The following ADHFE1 variants were observed in gnomAD, a reference collection of about 807,000 sequenced individuals.
ADHFE1 encodes hydroxyacid-oxoacid transhydrogenase, mitochondrial.
A neutral mutation model predicts 54.8 loss-of-function variants in ADHFE1; 37 were observed. The ratio of observed to expected loss-of-function variants is 0.68; its 90% confidence interval spans 0.52 to 0.89. The LOEUF (loss-of-function observed/expected upper bound fraction) is 0.89. Among genes scored for constraint, ADHFE1 ranks in the 40% least tolerant of loss-of-function variants. ADHFE1 has a pLI of 0.00. For synonymous variants in ADHFE1, 203 were observed against 229.3 expected, an observed-to-expected ratio of 0.89 and a Z score of 1.04; for missense variants, 601 against 591.2, an observed-to-expected ratio of 1.02 and a Z score of -0.17.
chr8:66,462,321 C>T (rs1013651436), intron 13 of ADHFE1, among the ~76,000 whole-genome samples: 9 of 152,318 alleles, frequency 5.9e-5, no homozygotes, highest in Admixed American at 5.9e-4. Context: ...ATAATCACAG[C>T]TCACCACAGC....
At chr8:66,442,593 G>A (rs1805816617) in intron 2 of ADHFE1, among the ~76,000 whole-genome samples, 1 of 152,114 alleles carries the variant, frequency 6.6e-6, no homozygotes, top group Non-Finnish European at 1.5e-5. Flanking sequence ...TTACAGGTGT[G>A]AGCCACTGTG....
Position 66,439,313 on chromosome 8 carries a change from G to A in ADHFE1, c.60-849G>A. 2.0e-6 allele frequency: 2 copies of A among 985,588 alleles called. No individual in the cohort carries two copies. The highest frequency in any genetic ancestry group is 2.4e-6 in the Non-Finnish European group (2 of 830,070). The allele number at this position is 985,588 out of a possible 1,614,324, so 61.1% of individuals were successfully genotyped here. On this transcript the variant is annotated intron_variant, in intron 1 of 13. Transcript: ENST00000396623. This position sits in a 1 kb window ranked among gnomAD's most constrained non-coding sequence, Gnocchi z 4.4. ...ACCCAACCACTGGACAAGGTCTTCT[G>A]GGCAACCCAACGAAACATAAAACCG...
intron 13 of ADHFE1, among the ~76,000 whole-genome samples, chr8:66,463,589 G>A (rs771807012): frequency 4.1e-4 from 62 of 151,626 alleles, no homozygotes; most frequent in African/African-American, 1.5e-3. Context: ...TTTTGCAGAT[G>A]AATAACTACT....
intron 4 of ADHFE1, 81 bp downstream of exon 4, chr8:66,444,501 T>C: frequency 6.2e-7 from 1 of 1,605,784 alleles, no homozygotes; most frequent in Non-Finnish European, 8.5e-7. Context: ...AACAATCACA[T>C]CCTCTATTTT....
intron 2 of ADHFE1, among the ~76,000 whole-genome samples, chr8:66,440,822 T>A (rs1240161336): frequency 6.6e-6 from 1 of 152,134 alleles, no homozygotes; most frequent in African/African-American, 2.4e-5. Flanking sequence ...TGATTTTGTC[T>A]CTTCTAAGGT....
Position 66,432,587 on chromosome 8 carries a change from G to T in ADHFE1, c.59+12G>T, listed in dbSNP as rs757149351. Reference sequence around the variant, plus strand: ...CTGCAACGCGCAGCGTGAGTGCGGGGCCGGCGGGCGGGCAGGGGACCGCAG... The same window carrying T: ...CTGCAACGCGCAGCGTGAGTGCGGGTCCGGCGGGCGGGCAGGGGACCGCAG... On this transcript the variant is annotated intron_variant, in intron 1 of 13. Coordinates refer to ENST00000396623, the MANE Select transcript of ADHFE1 (RefSeq NM_144650.3). 1.5e-6 allele frequency: 2 copies of T among 1,309,652 alleles called. No homozygotes were observed. Among genetic ancestry groups the T allele is most frequent in the African/African-American group, 1.5e-5 (1 of 65,622 alleles). 81.1% of individuals were successfully genotyped at this position (1,309,652 alleles called of 1,614,324 possible). A position where few individuals can be genotyped will look rare whatever the true frequency, so the allele number is the denominator to read the frequency against.
In ADHFE1 at chr8:66,466,751, G is replaced by A. The variant is rs916226614; in HGVS notation, c.1321-1518G>A. On this transcript the variant is annotated intron_variant, in intron 13 of 13. Coordinates refer to ENST00000396623, the MANE Select transcript of ADHFE1 (RefSeq NM_144650.3). Reference sequence around the variant, plus strand: ...ATAAGGAGATAGAGAGTGATCTCACGGGGAAAGTGTGGAGAGATCTCCAGC... The same window carrying A: ...ATAAGGAGATAGAGAGTGATCTCACAGGGAAAGTGTGGAGAGATCTCCAGC... 4.6e-5 allele frequency among the ~76,000 whole-genome samples: 7 copies of A among 152,190 alleles called. No individual in the cohort carries two copies. The East Asian group carries it at 7.7e-4, about 17-fold the overall frequency.
intron 13 of ADHFE1, among the ~76,000 whole-genome samples, chr8:66,463,467 T>C (rs1191636233): frequency 6.6e-6 from 1 of 152,218 alleles, no homozygotes; most frequent in African/African-American, 2.4e-5. Context: ...AGAAATATAG[T>C]TAATTTTAAT....
At chr8:66,461,211 G>C (rs1438266556) in intron 13 of ADHFE1, among the ~76,000 whole-genome samples, 1 of 152,182 alleles carries the variant, frequency 6.6e-6, no homozygotes, top group African/African-American at 2.4e-5. Context: ...TGCTTGGTTG[G>C]TGGACCACAC....
intron 6 of ADHFE1, 29 bp downstream of exon 6, chr8:66,445,443 T>G: frequency 6.3e-7 from 1 of 1,575,124 alleles, no homozygotes. Flanking sequence ...TTTGTTTGTT[T>G]TATTTTGCAA....
intron 2 of ADHFE1, 150 bp from the exon 3 acceptor site, chr8:66,442,648 A>C: frequency 2.9e-6 from 2 of 693,078 alleles, no homozygotes; most frequent in Admixed American, 6.4e-5. Flanking sequence ...TATTGATTTT[A>C]ATTTGATGTG....
chr8:66,449,020 A>T (rs761705297), intron 8 of ADHFE1, 50 bp downstream of exon 8: 1 of 1,502,410 alleles, frequency 6.7e-7, no homozygotes, highest in South Asian at 1.1e-5. Context: ...GGGTCTATGG[A>T]TAGTATTTTG....
intron 13 of ADHFE1, among the ~76,000 whole-genome samples, chr8:66,465,087 A>T (rs115333291): frequency 3.2e-4 from 48 of 152,288 alleles, no homozygotes; most frequent in African/African-American, 1.1e-3. Flanking sequence ...CATTGTATGG[A>T]TATACTACAT....
intron 3 of ADHFE1, among the ~76,000 whole-genome samples, chr8:66,443,478 A>G (rs1805871839): frequency 6.6e-6 from 1 of 152,046 alleles, no homozygotes; most frequent in Non-Finnish European, 1.5e-5. Context: ...GGGTTTTGCC[A>G]TGTTGGCCAG....
intron 10 of ADHFE1, among the ~76,000 whole-genome samples, chr8:66,456,525 C>T (rs1806594388): frequency 2.6e-5 from 4 of 152,188 alleles, no homozygotes; most frequent in Admixed American, 1.3e-4. Flanking sequence ...TCTTTGAGAT[C>T]GTAATGTTAA....
chr8:66,461,537 G>A (rs1255685266), intron 13 of ADHFE1, among the ~76,000 whole-genome samples: 2 of 152,070 alleles, frequency 1.3e-5, no homozygotes, highest in African/African-American at 2.4e-5. Flanking sequence ...TATAGATTGT[G>A]TTCATAGACT....
chr8:66,455,124 T>A, intron 10 of ADHFE1, among the ~76,000 whole-genome samples: 1 of 152,218 alleles, frequency 6.6e-6, no homozygotes, highest in Non-Finnish European at 1.5e-5. Context: ...GGACATAGGT[T>A]TTCCTTTCTC....
chr8:66,437,046 TGATGG>T lies in ADHFE1; in HGVS notation c.60-3115_60-3111del, dbSNP rs143847724. The stretch of plus-strand genomic sequence containing the variant: ...TGGTCAGTTGAGTCGGGGTAAAAGC[TGATGG>T]CAGGAGGTTCCAGAGGGAATGGGAG... On this transcript the variant is annotated intron_variant, in intron 1 of 13. Coordinates refer to ENST00000396623, the MANE Select transcript of ADHFE1 (RefSeq NM_144650.3). Among the ~76,000 whole-genome samples the T allele has an allele frequency of 4.5e-3, 682 of 152,062 alleles. 4 individuals carry two copies. Among genetic ancestry groups the T allele is most frequent in the African/African-American group, 0.016 (654 of 41,488 alleles).
chr8:66,455,702 C>G (rs1267095948), intron 10 of ADHFE1, among the ~76,000 whole-genome samples: 2 of 152,246 alleles, frequency 1.3e-5, no homozygotes, highest in African/African-American at 2.4e-5. Flanking sequence ...ATCCCTTGAG[C>G]TGAGCCCAGG....
Sources: gnomAD v4.1 joint callset for allele counts (sites outside exome capture counted in the v4.1 genomes callset) on GRCh38, gnomAD v4.1.1 for gene constraint, Gnocchi (gnomAD v3.1) non-coding constraint, MANE v1.5 for transcripts, NCBI Gene and HGNC (gene_info 2026-07-23, HGNC 2026-07-21) for gene names.